The following CELSR3 variants were observed in gnomAD, a reference collection of about 807,000 sequenced individuals.
The protein encoded by CELSR3 is EGF-like protein 1.
Under a neutral mutation model 270.0 loss-of-function variants are expected in CELSR3, and 73 were observed. The observed-to-expected ratio is 0.27, with a 90% CI of 0.22 to 0.33. The LOEUF (loss-of-function observed/expected upper bound fraction) is 0.33. Ranked by LOEUF, CELSR3 falls within the 10% of genes least tolerant of loss-of-function variation. The probability of loss-of-function intolerance (pLI) is 1.00; values close to 1 mark genes in which losing one functional copy is unlikely to be tolerated. For synonymous variants in CELSR3, 1,780 were observed against 1,905.4 expected (o/e 0.93, Z 1.71); for missense variants, 3,614 against 4,533.8 (o/e 0.80, Z 5.83).
Position 48,642,820 on chromosome 3 carries a change from C to G in CELSR3, c.8471G>C (p.Gly2824Ala), listed in dbSNP as rs764469601. The change falls in exon 30 of 35, where the codon GGC (glycine) becomes GCC (alanine). Residue 2824 changes from glycine to alanine, a missense_variant. By Grantham distance (60) the Gly-to-Ala change is moderately conservative. Around this residue, in one of 7 missense-constraint regions of CELSR3, gnomAD observed 1,240 missense variants for 1,351.7 expected, o/e 0.92. Coordinates refer to ENST00000164024, the MANE Select transcript of CELSR3 (RefSeq NM_001407.3). This position sits in a 1 kb window ranked among gnomAD's most constrained non-coding sequence, Gnocchi z 6.1. Reference sequence around the variant, plus strand: ...GCTCACAGAGGAGACGGTGGAGGCGCCCAGAGTGATGCGGATGAGGCCACT... The same window carrying G: ...GCTCACAGAGGAGACGGTGGAGGCGGCCAGAGTGATGCGGATGAGGCCACT... ...EESGLIRITL[G>A]ASTVSSVSSA... 3.1e-6 allele frequency: 5 copies of G among 1,613,042 alleles called. No homozygotes were observed. Among genetic ancestry groups the G allele is most frequent in the African/African-American group, 1.3e-5 (1 of 74,922 alleles).
rs2077059811 is a variant in CELSR3 at position 48,660,730 on chromosome 3, GC to G, written c.1904del (p.Gly635AlafsTer56). 1 of 1,613,952 alleles carries G rather than the reference GC, an allele frequency of 6.2e-7. No homozygotes were observed. Reference sequence around the variant, plus strand: ...TGTCCACCACCTGGATGCTGGCCAGGCCCGTGTTGTTGGACAGCGGTGGCCG... The same window carrying G: ...TGTCCACCACCTGGATGCTGGCCAGGCCGTGTTGTTGGACAGCGGTGGCCG... ...AGRPPLSNNT[G>X]LASIQVVDIN... is the part of the protein sequence containing the mutation. On this transcript the variant is annotated frameshift_variant, in exon 1 of 35. Coordinates refer to ENST00000164024, the MANE Select transcript of CELSR3 (RefSeq NM_001407.3). LOFTEE classifies it high-confidence loss of function. This position sits in a 1 kb window ranked among gnomAD's most constrained non-coding sequence, Gnocchi z 5.5.
In CELSR3 at chr3:48,646,274, C is replaced by A; in HGVS notation, c.7296-17G>T. On this transcript the variant is annotated splice_polypyrimidine_tract_variant and intron_variant, in intron 21 of 34. Coordinates refer to ENST00000164024, the MANE Select transcript of CELSR3 (RefSeq NM_001407.3). The surrounding 1 kb of genome is among the most constrained non-coding windows in gnomAD (Gnocchi z 4.8). The stretch of plus-strand genomic sequence containing the variant: ...TGAGGAAGCCTGGGGAGACACCCAT[C>A]TGGGCTTACGCACTGCTGACCTCCC... 1 of 1,604,622 alleles carries A rather than the reference C, an allele frequency of 6.2e-7. No homozygotes were observed. The highest frequency in any genetic ancestry group is 8.5e-7 in the Non-Finnish European group (1 of 1,174,706).
Position 48,655,294 on chromosome 3 carries a change from G to T in CELSR3, c.4830+12C>A. The stretch of plus-strand genomic sequence containing the variant: ...AACTCCCCTCATACCCGATGCCAGG[G>T]ATGGCCCCCACCTTGTTGTAGTATC... On this transcript the variant is annotated intron_variant, in intron 5 of 34. Transcript: ENST00000164024. This position sits in a 1 kb window ranked among gnomAD's most constrained non-coding sequence, Gnocchi z 5.8. 1.9e-6 allele frequency: 3 copies of T among 1,614,090 alleles called. No homozygotes were observed. The highest frequency in any genetic ancestry group is 2.5e-6 in the Non-Finnish European group (3 of 1,179,978).
At position 48,656,299 on chromosome 3, in the gene CELSR3, G is replaced by T. The variant is rs1157162359; in HGVS notation, c.4466C>A (p.Thr1489Asn). The T allele has an allele frequency of 2.6e-6, 4 of 1,510,552 alleles. No individual in the cohort carries two copies. The Admixed American group carries it at 6.5e-5, about 24-fold the overall frequency. The allele number at this position is 1,510,552 out of a possible 1,614,324, so 93.6% of individuals were successfully genotyped here. A position where few individuals can be genotyped will look rare whatever the true frequency, so the allele number is the denominator to read the frequency against. ...GCCGCCGTTGGGCGCGTCGGTGCAG[G>T]TGCCCCCGTTGCGGCAGACGCCCGG... ...CVPGVCRNGGTCTDAPNGGFR... is the reference protein window; with the variant it reads ...CVPGVCRNGGNCTDAPNGGFR... The change falls in exon 3 of 35, where the codon ACC (threonine) becomes AAC (asparagine). Residue 1489 changes from threonine (T) to asparagine (N), a missense_variant. By Grantham distance (65) the Thr-to-Asn change is moderately conservative. This residue lies in a region of CELSR3 where 1,331 missense variants were observed against 1,933.7 expected (regional missense o/e 0.69). Coordinates refer to ENST00000164024, the MANE Select transcript of CELSR3 (RefSeq NM_001407.3).
rs767576418 is a variant in CELSR3, at chr3:48,639,957, G to T, written c.9628C>A (p.Arg3210=). ...CCAAGGGCTTCTCGTGAGGGGTGCCGGCTAGGCACCTGGTCCAGCTGCTCC... is the reference window on the plus strand; with the variant it reads ...CCAAGGGCTTCTCGTGAGGGGTGCCTGCTAGGCACCTGGTCCAGCTGCTCC... The part of the protein sequence containing the change: ...SREQLDQVPS[R]HPSREALGPL... The change falls in exon 34 of 35, where the codon CGG becomes AGG. Residue 3210 remains arginine (R), a synonymous_variant. Coordinates refer to ENST00000164024, the MANE Select transcript of CELSR3 (RefSeq NM_001407.3). This position sits in a 1 kb window ranked among gnomAD's most constrained non-coding sequence, Gnocchi z 4.1. 1.2e-6 allele frequency: 2 copies of T among 1,612,746 alleles called. No individual in the cohort carries two copies. Among genetic ancestry groups the T allele is most frequent in the South Asian group, 1.1e-5 (1 of 91,090 alleles).
chr3:48,638,653 G>A (rs1237025181), intron 34 of CELSR3, among the ~76,000 whole-genome samples: 1 of 152,042 alleles, frequency 6.6e-6, no homozygotes, highest in African/African-American at 2.4e-5. Flanking sequence ...TCAAACCTGT[G>A]CGACTCCAGA....
intron 2 of CELSR3, 145 bp from the exon 3 acceptor site, chr3:48,656,510 C>T: frequency 8.8e-7 from 1 of 1,134,088 alleles, no homozygotes; most frequent in Non-Finnish European, 1.2e-6. Flanking sequence ...CGTCTGGCCC[C>T]GCCCCCTCCC....
rs1164959849 is a variant in CELSR3, at chr3:48,656,921, G to A, written c.4176C>T (p.Ser1392=). The A allele has an allele frequency of 7.4e-6, 12 of 1,611,022 alleles. No individual in the cohort carries two copies. The highest frequency in any genetic ancestry group is 1.1e-5 in the South Asian group (1 of 90,636). The part of the protein sequence containing the change: ...EPCENYMKCV[S]VLRFDSSAPF... ...GCGCGGACGAGTCAAAGCGGAGCAC[G>A]GACACGCATTTCATGTAGTTCTCAC... Residue 1392 remains serine, a synonymous_variant, in exon 2 of 35, where the codon TCC becomes TCT. Coordinates refer to ENST00000164024, the MANE Select transcript of CELSR3 (RefSeq NM_001407.3).
intron 27 of CELSR3, 200 bp from the exon 28 acceptor site, chr3:48,643,877 A>C: frequency 3.1e-6 from 2 of 639,122 alleles, no homozygotes; most frequent in Non-Finnish European, 5.3e-6. Flanking sequence ...AAGAGCCATG[A>C]GGACACGTGG....
At chr3:48,638,362 A>G in intron 34 of CELSR3, 130 bp from the exon 35 acceptor site, 1 of 712,042 alleles carries the variant, frequency 1.4e-6, no homozygotes, top group South Asian at 1.5e-5. Flanking sequence ...CTTAGCCCCC[A>G]GCCCCTTCAT....
Position 48,655,183 on chromosome 3 carries a change from C to G in CELSR3, c.4849G>C (p.Gly1617Arg). The G allele has an allele frequency of 6.2e-7, 1 of 1,613,846 alleles. No individual in the cohort carries two copies. The highest frequency in any genetic ancestry group is 1.3e-5 in the African/African-American group (1 of 74,964). The change falls in exon 6 of 35, where the codon GGG becomes CGG. Residue 1617 changes from glycine to arginine, a missense_variant. This residue lies in a region of CELSR3 where 1,331 missense variants were observed against 1,933.7 expected (regional missense o/e 0.69). Transcript: ENST00000164024. The surrounding 1 kb of genome is among the most constrained non-coding windows in gnomAD (Gnocchi z 5.8). Reference protein sequence around the residue: ...YYNKPRTDALGGAQGPSKDKV... With the variant: ...YYNKPRTDALRGAQGPSKDKV... ...TCCTTGGAGGGGCCCTGTGCACCCC[C>G]TAGGGCATCTGTCCGGGGCTGAAGA...
In CELSR3 at chr3:48,662,432, G is replaced by T; in HGVS notation, c.203C>A (p.Ser68Tyr). The T allele has an allele frequency of 6.2e-7, 1 of 1,612,770 alleles. No individual in the cohort carries two copies. The highest frequency in any genetic ancestry group is 8.5e-7 in the Non-Finnish European group (1 of 1,179,896). Residue 68 changes from serine to tyrosine, a missense_variant, in exon 1 of 35, where the codon TCC (serine) becomes TAC (tyrosine). Around this residue, in one of 7 missense-constraint regions of CELSR3, gnomAD observed 470 missense variants for 469.7 expected, o/e 1.00. Coordinates refer to ENST00000164024, the MANE Select transcript of CELSR3 (RefSeq NM_001407.3). This position sits in a 1 kb window ranked among gnomAD's most constrained non-coding sequence, Gnocchi z 7.1. ...AGGCCCCCCATCCTCCCGGACCCCG[G>T]AAGACTCCGGACAAAGAGCTAAGGC... The part of the protein sequence containing the change: ...GGALALCPES[S>Y]GVREDGGPGL...
chr3:48,648,775 C>T lies in CELSR3; in HGVS notation c.6721G>A (p.Glu2241Lys). The T allele has an allele frequency of 6.2e-7, 1 of 1,612,930 alleles. No individual in the cohort carries two copies. The highest frequency in any genetic ancestry group is 8.5e-7 in the Non-Finnish European group (1 of 1,179,990). Residue 2241 changes from glutamate (E) to lysine (K), a missense_variant, in exon 18 of 35, where the codon GAG becomes AAG. By Grantham distance (56) the Glu-to-Lys change is moderately conservative. Around this residue, in one of 7 missense-constraint regions of CELSR3, gnomAD observed 1,331 missense variants for 1,933.7 expected, o/e 0.69. Coordinates refer to ENST00000164024, the MANE Select transcript of CELSR3 (RefSeq NM_001407.3). ...ARLLAHLLAF[E>K]SHQQGFGLTA... ...AGCCCGAAGCCCTGCTGATGGCTCT[C>T]GAAGGCCAGCAGGTGGGCCAGCAGG... is the stretch of plus-strand genomic sequence containing the variant.
At position 48,651,785 on chromosome 3, in the gene CELSR3, C is replaced by T. The variant is rs1340099757; in HGVS notation, c.5924-67G>A. Reference sequence around the variant, plus strand: ...CATGGAAGGAAGCAGGCACCCGTCCCGAGTCCCTGCCTCCTTCAGGTTCCC... The same window carrying T: ...CATGGAAGGAAGCAGGCACCCGTCCTGAGTCCCTGCCTCCTTCAGGTTCCC... On this transcript the variant is annotated intron_variant, in intron 12 of 34. Coordinates refer to ENST00000164024, the MANE Select transcript of CELSR3 (RefSeq NM_001407.3). The surrounding 1 kb of genome is among the most constrained non-coding windows in gnomAD (Gnocchi z 7.4). 6.5e-7 allele frequency: 1 copy of T among 1,536,382 alleles called. No homozygotes were observed. The highest frequency in any genetic ancestry group is 1.3e-5 in the South Asian group (1 of 78,008).
Position 48,650,135 on chromosome 3 carries a change from T to C in CELSR3, c.6472+345A>G. On this transcript the variant is annotated intron_variant, in intron 16 of 34. Transcript: ENST00000164024. The surrounding 1 kb of genome is among the most constrained non-coding windows in gnomAD (Gnocchi z 5.1). ...AGGCATCAGAGAAGGGCCCCTGGGG[T>C]ACTCAGATAGCCAGAAGGGGCCTGC... is the stretch of plus-strand genomic sequence containing the variant. 2.2e-6 allele frequency: 1 copy of C among 464,794 alleles called. No homozygotes were observed. Among genetic ancestry groups the C allele is most frequent in the Non-Finnish European group, 4.3e-6 (1 of 234,616 alleles). 28.8% of individuals were successfully genotyped at this position (464,794 alleles called of 1,614,324 possible). A position where few individuals can be genotyped will look rare whatever the true frequency, so the allele number is the denominator to read the frequency against.
rs1193786416 is a variant in CELSR3, at chr3:48,662,435, G to A, written c.200C>T (p.Ser67Phe). ...GGGALALCPESSGVREDGGPG... is the reference protein window; with the variant it reads ...GGGALALCPEFSGVREDGGPG... ...CCCCCCATCCTCCCGGACCCCGGAA[G>A]ACTCCGGACAAAGAGCTAAGGCTCC... is the stretch of plus-strand genomic sequence containing the variant. The change falls in exon 1 of 35, where the codon TCT becomes TTT. Residue 67 changes from serine (S) to phenylalanine (F), a missense_variant. This residue lies in a region of CELSR3 where 470 missense variants were observed against 469.7 expected (regional missense o/e 1.00). Coordinates refer to ENST00000164024, the MANE Select transcript of CELSR3 (RefSeq NM_001407.3). The surrounding 1 kb of genome is among the most constrained non-coding windows in gnomAD (Gnocchi z 7.1). The A allele has an allele frequency of 6.2e-7, 1 of 1,612,676 alleles. No individual in the cohort carries two copies. Among genetic ancestry groups the A allele is most frequent in the African/African-American group, 1.3e-5 (1 of 74,920 alleles).
At position 48,637,090 on chromosome 3, in the gene CELSR3, CAG is replaced by C. The variant is rs1482413334; in HGVS notation, c.*1113_*1114del. 6.6e-6 allele frequency: 1 copy of C among 152,468 alleles called. No individual in the cohort carries two copies. The highest frequency in any genetic ancestry group is 1.5e-5 in the Non-Finnish European group (1 of 68,014). The allele number at this position is 152,468 out of a possible 1,614,324, so 9.4% of individuals were successfully genotyped here. ...CATTTTTTGAATCTGGACTTGTAAA[CAG>C]TAACAAAATTTTAAAGTCTTCAGTT... On this transcript the variant is annotated 3_prime_UTR_variant, in exon 35 of 35. Transcript: ENST00000164024.
chr3:48,639,955 C>G lies in CELSR3; in HGVS notation c.9630G>C (p.Arg3210=). The change falls in exon 34 of 35, where the codon CGG becomes CGC. Residue 3210 remains arginine (R), a synonymous_variant. Coordinates refer to ENST00000164024, the MANE Select transcript of CELSR3 (RefSeq NM_001407.3). This position sits in a 1 kb window ranked among gnomAD's most constrained non-coding sequence, Gnocchi z 4.1. The part of the protein sequence containing the change: ...SREQLDQVPS[R]HPSREALGPL... ...GCCCAAGGGCTTCTCGTGAGGGGTG[C>G]CGGCTAGGCACCTGGTCCAGCTGCT... is the stretch of plus-strand genomic sequence containing the variant. The G allele has an allele frequency of 6.2e-7, 1 of 1,612,838 alleles. No individual in the cohort carries two copies. Among genetic ancestry groups the G allele is most frequent in the Non-Finnish European group, 8.5e-7 (1 of 1,180,012 alleles).
Position 48,662,054 on chromosome 3 carries a change from C to T in CELSR3, c.581G>A (p.Gly194Asp), listed in dbSNP as rs772518409. ...CGCGGTGCCCACTCTTTTGCGGGAG[C>T]CTGTCCCAGCGTTCCGCTGGGAGGA... ...PVSSQRNAGTGSRKRVGTARC... is the reference protein window; with the variant it reads ...PVSSQRNAGTDSRKRVGTARC... Residue 194 changes from glycine to aspartate, a missense_variant, in exon 1 of 35, where the codon GGC becomes GAC. Physicochemically the swap from Gly to Asp is moderately conservative, Grantham distance 94 (BLOSUM62 -1). This residue lies in a region of CELSR3 where 470 missense variants were observed against 469.7 expected (regional missense o/e 1.00). Coordinates refer to ENST00000164024, the MANE Select transcript of CELSR3 (RefSeq NM_001407.3). This position sits in a 1 kb window ranked among gnomAD's most constrained non-coding sequence, Gnocchi z 7.1. The T allele has an allele frequency of 6.2e-7, 1 of 1,614,110 alleles. No homozygotes were observed. The highest frequency in any genetic ancestry group is 8.5e-7 in the Non-Finnish European group (1 of 1,180,028).
Sources: allele counts gnomAD v4.1 joint callset (sites outside exome capture counted in the v4.1 genomes callset), GRCh38; gene constraint gnomAD v4.1.1; regional missense constraint gnomAD v4.1.1; non-coding constraint Gnocchi (gnomAD v3.1); transcripts MANE v1.5; gene names NCBI Gene and HGNC (gene_info 2026-07-23, HGNC 2026-07-21).